The following NARS2 variants were observed in gnomAD, a reference collection of about 807,000 sequenced individuals.
NARS2 encodes asparaginyl-tRNA synthetase 2, mitochondrial, also known as asparaginyl-tRNA synthetase.
NARS2 carries 60 observed loss-of-function variants against 62.9 expected under a neutral mutation model. That is an observed-to-expected ratio of 0.95 (90% confidence interval 0.77 to 1.18). The LOEUF (loss-of-function observed/expected upper bound fraction) is 1.18, where lower values mean the gene tolerates loss of function less well. NARS2 is among the 50% of genes most tolerant of loss of function. The probability of loss-of-function intolerance (pLI) is 0.00; values close to 1 mark genes in which losing one functional copy is unlikely to be tolerated. For missense variants in NARS2, 619 were observed against 576.4 expected, an observed-to-expected ratio of 1.07 and a Z score of -0.76; for synonymous variants, 196 against 200.0, an observed-to-expected ratio of 0.98 and a Z score of 0.17.
At chr11:78,551,672 G>A (rs898851480) in intron 5 of NARS2, among the ~76,000 whole-genome samples, 5 of 152,062 alleles carry the variant, frequency 3.3e-5, no homozygotes, top group African/African-American at 1.2e-4. Context: ...TCAAGATGGT[G>A]AAATCCCGTC....
chr11:78,558,627 T>C (rs1460930905), intron 5 of NARS2: 1 of 152,188 alleles, frequency 6.6e-6, no homozygotes, highest in Non-Finnish European at 1.5e-5. Flanking sequence ...AACTGGTAAA[T>C]GCAAGGCTTT....
intron 6 of NARS2, among the ~76,000 whole-genome samples, chr11:78,510,303 T>C (rs1233793183): frequency 2.0e-5 from 3 of 151,924 alleles, no homozygotes; most frequent in Non-Finnish European, 2.9e-5. Context: ...TCCATGCAAA[T>C]AGGAGACAAA....
At chr11:78,564,358 G>A (rs544319413) in intron 4 of NARS2, among the ~76,000 whole-genome samples, 2 of 151,970 alleles carry the variant, frequency 1.3e-5, no homozygotes, top group Admixed American at 1.3e-4. Context: ...ACCATGCCTG[G>A]CTAATTATTT....
chr11:78,448,523 C>G (rs922379414), intron 11 of NARS2, among the ~76,000 whole-genome samples: 2 of 151,962 alleles, frequency 1.3e-5, no homozygotes, highest in Non-Finnish European at 2.9e-5. Context: ...ACCACCTGAT[C>G]TTGAACCACG....
At chr11:78,548,970 C>A (rs967982427) in intron 5 of NARS2, among the ~76,000 whole-genome samples, 1 of 152,184 alleles carries the variant, frequency 6.6e-6, no homozygotes, top group Non-Finnish European at 1.5e-5. Flanking sequence ...CTTGGCAAGA[C>A]AGAAACTCTA....
chr11:78,481,239 A>G (rs1859342427), intron 7 of NARS2, among the ~76,000 whole-genome samples: 2 of 152,238 alleles, frequency 1.3e-5, no homozygotes, highest in Non-Finnish European at 2.9e-5. Context: ...ACATGAATCC[A>G]ATGGGGAGGG....
At chr11:78,496,648 G>A (rs1188181134) in intron 6 of NARS2, among the ~76,000 whole-genome samples, 1 of 152,066 alleles carries the variant, frequency 6.6e-6, no homozygotes, top group Non-Finnish European at 1.5e-5. Context: ...GATAACTAGG[G>A]GAAGCAGTTT....
chr11:78,528,960 C>CA (rs1370708272), intron 5 of NARS2, 24 bp from the exon 6 acceptor site: 4 of 1,439,702 alleles, frequency 2.8e-6, no homozygotes, highest in East Asian at 4.6e-5. Flanking sequence ...ACATAAGCCA[C>CA]AAAAAACTAT....
intron 11 of NARS2, among the ~76,000 whole-genome samples, chr11:78,451,319 C>A (rs141755578): frequency 6.6e-6 from 1 of 152,324 alleles, no homozygotes; most frequent in East Asian, 1.9e-4. Flanking sequence ...CCTTGTATCT[C>A]CCCCTGATAA....
chr11:78,568,870 G>A, intron 2 of NARS2, 118 bp from the exon 3 acceptor site: 1 of 728,798 alleles, frequency 1.4e-6, no homozygotes, highest in Non-Finnish European at 2.1e-6. Flanking sequence ...CCCTTATTGG[G>A]TTAAATAATC....
chr11:78,474,428 C>G (rs909444216), intron 9 of NARS2, among the ~76,000 whole-genome samples: 1 of 152,126 alleles, frequency 6.6e-6, no homozygotes, highest in African/African-American at 2.4e-5. Flanking sequence ...TCATATTAGG[C>G]AGTCAATAAA....
chr11:78,445,282 T>G (rs1163235687), intron 11 of NARS2, among the ~76,000 whole-genome samples: 1 of 152,252 alleles, frequency 6.6e-6, no homozygotes, highest in African/African-American at 2.4e-5. Flanking sequence ...TACTAATTAG[T>G]ATTACTAAAT....
At chr11:78,510,012 T>TA (rs748653964) in intron 6 of NARS2, among the ~76,000 whole-genome samples, 3 of 151,806 alleles carry the variant, frequency 2.0e-5, no homozygotes, top group Non-Finnish European at 4.4e-5. Flanking sequence ...GAAAGAAATT[T>TA]AAATGTTTCC....
At chr11:78,507,213 T>C (rs1860536415) in intron 6 of NARS2, among the ~76,000 whole-genome samples, 2 of 136,250 alleles carry the variant, frequency 1.5e-5, no homozygotes, top group South Asian at 5.0e-4. Flanking sequence ...CTCCACTTCA[T>C]TTTTCTTTTA....
chr11:78,554,513 G>GTGTGTGTGTGTGTGTGTC (rs1402415686), intron 5 of NARS2, among the ~76,000 whole-genome samples: 1 of 145,872 alleles, frequency 6.9e-6, no homozygotes, highest in Non-Finnish European at 1.5e-5. Context: ...GTGTGCGTGT[G>GTGTGTGTGTGTGTGTGTC]TGTGTGTGTG....
At chr11:78,472,393 T>C (rs560660282) in intron 9 of NARS2, among the ~76,000 whole-genome samples, 17 of 152,246 alleles carry the variant, frequency 1.1e-4, no homozygotes, top group East Asian at 7.7e-4. Flanking sequence ...AAGAGTAAAA[T>C]TGCTCAACTA....
chr11:78,491,108 G>A (rs1859800587), intron 7 of NARS2, among the ~76,000 whole-genome samples: 2 of 152,246 alleles, frequency 1.3e-5, no homozygotes, highest in South Asian at 2.1e-4. Flanking sequence ...GACTCCTTCT[G>A]AAGCTCAGAT....
intron 5 of NARS2, among the ~76,000 whole-genome samples, chr11:78,544,358 C>T (rs1207853518): frequency 6.6e-6 from 1 of 152,062 alleles, no homozygotes; most frequent in Non-Finnish European, 1.5e-5. Flanking sequence ...TGGGTACTAC[C>T]CCAAGTTTCA....
At chr11:78,528,176 A>G (rs1264749693) in intron 6 of NARS2, among the ~76,000 whole-genome samples, 1 of 152,124 alleles carries the variant, frequency 6.6e-6, no homozygotes, top group African/African-American at 2.4e-5. Context: ...TTTGTGAGCT[A>G]TGACTGTGCA....
Sources: allele counts gnomAD v4.1 joint callset (sites outside exome capture counted in the v4.1 genomes callset), GRCh38; gene constraint gnomAD v4.1.1; transcripts MANE v1.5; gene names NCBI Gene and HGNC (gene_info 2026-07-23, HGNC 2026-07-21).